Variants in GHRL observed in about 807,000 individuals in gnomAD.
GHRL encodes ghrelin and obestatin prepropeptide.
Under a neutral mutation model 16.9 loss-of-function variants are expected in GHRL, and 24 were observed. That is an observed-to-expected ratio of 1.42 (90% CI 1.03 to 2.00). The LOEUF is 2.00. Ranked by LOEUF, GHRL falls within the 30% of genes most tolerant of loss-of-function variation. The pLI, the probability that GHRL is intolerant of heterozygous loss-of-function variation, is 0.00. For synonymous variants in GHRL, 63 were observed against 58.2 expected (o/e 1.08, Z -0.37); for missense variants, 193 against 142.1 (o/e 1.36, Z -1.82).
At chr3:10,288,469 G>A (rs983222644) in intron 4 of GHRL, among the ~76,000 whole-genome samples, 5 of 152,196 alleles carry the variant, frequency 3.3e-5, no homozygotes, top group African/African-American at 1.2e-4. Context: ...ACCTTGCGTC[G>A]TCAGCCACCA....
intron 4 of GHRL, among the ~76,000 whole-genome samples, chr3:10,288,401 T>C (rs1699414147): frequency 6.6e-6 from 1 of 152,100 alleles, no homozygotes; most frequent in Non-Finnish European, 1.5e-5. Context: ...GCAGTGTGGG[T>C]CACATGCTCC....
chr3:10,289,617 G>A, intron 4 of GHRL, 145 bp downstream of exon 4: 1 of 714,984 alleles, frequency 1.4e-6, no homozygotes, highest in Non-Finnish European at 2.5e-6. Context: ...GCCCAGGGCA[G>A]AGCTCAACTC....
intron 4 of GHRL, among the ~76,000 whole-genome samples, chr3:10,289,537 G>A (rs56363922): frequency 0.013 from 1,965 of 152,248 alleles, 54 homozygotes; most frequent in African/African-American, 0.046. Flanking sequence ...GGCTCCTTCC[G>A]TCCCTATTCT....
chr3:10,288,876 C>T (rs570192817), intron 4 of GHRL, among the ~76,000 whole-genome samples: 11 of 152,198 alleles, frequency 7.2e-5, no homozygotes, highest in Non-Finnish European at 1.5e-4. Context: ...CCTTGTGTCG[C>T]GTCCCTTCCA....
rs1699979581 is a variant in GHRL, at chr3:10,291,301, C to T, written c.-615G>A. On this transcript the variant is annotated 5_prime_UTR_variant, in exon 2 of 6. Coordinates refer to ENST00000335542, the MANE Select transcript of GHRL (RefSeq NM_016362.5). ...CAGAGAGTGGGTGTGGGGATAACTTCAGCCAGTGGCTATGCTTCAGTCATT... is the reference window on the plus strand; with the variant it reads ...CAGAGAGTGGGTGTGGGGATAACTTTAGCCAGTGGCTATGCTTCAGTCATT... 5.1e-6 allele frequency: 5 copies of T among 985,524 alleles called. No individual in the cohort carries two copies. Among genetic ancestry groups the T allele is most frequent in the Non-Finnish European group, 6.0e-6 (5 of 829,974 alleles). The allele number at this position is 985,524 out of a possible 1,614,324, so 61.0% of individuals were successfully genotyped here.
chr3:10,290,324 G>T, intron 2 of GHRL, 115 bp from the exon 3 acceptor site: 2 of 991,744 alleles, frequency 2.0e-6, no homozygotes, highest in Non-Finnish European at 3.0e-6. Context: ...GGTCCTGACT[G>T]CTGTGTAGAG....
rs1699932249 is a variant in GHRL, at chr3:10,291,075, T to C, written c.-389A>G. 1.0e-6 allele frequency: 1 copy of C among 985,566 alleles called. No homozygotes were observed. Among genetic ancestry groups the C allele is most frequent in the African/African-American group, 1.7e-5 (1 of 57,236 alleles). The allele number at this position is 985,566 out of a possible 1,614,324, so 61.1% of individuals were successfully genotyped here. Reference sequence around the variant, plus strand: ...GTGACCTTAGCTTACTCGCCCTTTCTCCCTGGGTAAAATGAGGCTGTCATC... The same window carrying C: ...GTGACCTTAGCTTACTCGCCCTTTCCCCCTGGGTAAAATGAGGCTGTCATC... On this transcript the variant is annotated 5_prime_UTR_variant, in exon 2 of 6. Transcript: ENST00000335542.
Position 10,292,832 on chromosome 3 carries a change from C to T in GHRL, c.-766+10G>A, listed in dbSNP as rs17032631. The T allele has an allele frequency of 2.8e-3, 4,153 of 1,501,778 alleles. 105 individuals carry two copies. In the South Asian group the frequency reaches 0.035, roughly 12 times the overall value. The allele number at this position is 1,501,778 out of a possible 1,614,324, so 93.0% of individuals were successfully genotyped here. ...CCAGGTACCTCCTGAGACATGAAGC[C>T]TCCACTTACCTGGACCCTGGAGGCC... On this transcript the variant is annotated intron_variant, in intron 1 of 5. Transcript: ENST00000335542.
chr3:10,289,819 C>G lies in GHRL; in HGVS notation c.168G>C (p.Trp56Cys). 1 of 1,613,846 alleles carries G rather than the reference C, an allele frequency of 6.2e-7. No homozygotes were observed. The highest frequency in any genetic ancestry group is 8.5e-7 in the Non-Finnish European group (1 of 1,179,894). The part of the protein sequence containing the change: ...AKLQPRALAG[W>C]LRPEDGGQAE... ...CTTGACCTCCATCTTCCGGGCGGAG[C>G]CAGCCTGCTAGAGCTCGGGGCTGCA... is the stretch of plus-strand genomic sequence containing the variant. The change falls in exon 4 of 6, where the codon TGG becomes TGC. Residue 56 changes from tryptophan to cysteine, a missense_variant. Transcript: ENST00000335542.
At position 10,289,773 on chromosome 3, in the gene GHRL, G is replaced by C; in HGVS notation, c.214C>G (p.Leu72Val). 6.2e-7 allele frequency: 1 copy of C among 1,602,852 alleles called. No individual in the cohort carries two copies. Among genetic ancestry groups the C allele is most frequent in the Non-Finnish European group, 8.5e-7 (1 of 1,170,164 alleles). Residue 72 changes from leucine (L) to valine (V), a missense_variant, in exon 4 of 6, where the codon CTG becomes GTG. By Grantham distance (32) the Leu-to-Val change is conservative. Coordinates refer to ENST00000335542, the MANE Select transcript of GHRL (RefSeq NM_016362.5). ...GCAGAGGTACCGACCCGGACTTCCA[G>C]TTCATCCTCTGCCCCTTCTGCTTGA... ...GGQAEGAEDE[L>V]EVRFNAPFDV...
At chr3:10,286,149 C>T (rs1478859689) in intron 5 of GHRL, among the ~76,000 whole-genome samples, 6 of 152,168 alleles carry the variant, frequency 3.9e-5, no homozygotes, top group South Asian at 2.1e-4. Flanking sequence ...GACGGGTCAC[C>T]GCCTTGGTGA....
At chr3:10,285,943 G>C (rs780619940) in intron 5 of GHRL, 49 bp from the exon 6 acceptor site, 3 of 1,566,182 alleles carry the variant, frequency 1.9e-6, no homozygotes, top group African/African-American at 1.4e-5. Flanking sequence ...CGTCCTGCTA[G>C]TGCTTTTCTT....
intron 4 of GHRL, chr3:10,287,195 A>G: frequency 5.9e-6 from 1 of 169,664 alleles, no homozygotes; most frequent in African/African-American, 2.4e-5. Flanking sequence ...CAGCATTCTC[A>G]GCACTGGCCT....
chr3:10,291,401 T>G lies in GHRL; in HGVS notation c.-715A>C. On this transcript the variant is annotated 5_prime_UTR_variant, in exon 2 of 6. Transcript: ENST00000335542. ...GCTTGCCTTGCCTCCCTCCAGCAGC[T>G]TTGGTCCCTATTTTAGCGGATGCCT... The G allele has an allele frequency of 1.0e-6, 1 of 985,532 alleles. No individual in the cohort carries two copies. Among genetic ancestry groups the G allele is most frequent in the African/African-American group, 1.7e-5 (1 of 57,370 alleles). 61.0% of individuals were successfully genotyped at this position (985,532 alleles called of 1,614,324 possible). A position where few individuals can be genotyped will look rare whatever the true frequency, so the allele number is the denominator to read the frequency against.
Position 10,285,712 on chromosome 3 carries a change from T to TGTATTA in GHRL, c.*162_*163insTAATAC. The TGTATTA allele has an allele frequency of 1.7e-6, 1 of 602,748 alleles. No homozygotes were observed. The highest frequency in any genetic ancestry group is 3.0e-6 in the Non-Finnish European group (1 of 329,106). 37.3% of individuals were successfully genotyped at this position (602,748 alleles called of 1,614,324 possible). A position where few individuals can be genotyped will look rare whatever the true frequency, so the allele number is the denominator to read the frequency against. ...TTTTTTTAAAGTAAAATATTAACTT[T>TGTATTA]TCCTCTTTGAAATAAATTCCCATTT... On this transcript the variant is annotated 3_prime_UTR_variant, in exon 6 of 6. Transcript: ENST00000335542.
Position 10,290,083 on chromosome 3 carries a change from T to G in GHRL, c.98A>C (p.Gln33Pro). The G allele has an allele frequency of 1.2e-6, 2 of 1,612,220 alleles. No individual in the cohort carries two copies. The highest frequency in any genetic ancestry group is 1.7e-6 in the Non-Finnish European group (2 of 1,179,500). ...AGSSFLSPEH[Q>P]RVQQRKESKK... ...GTGGGGAGGTCTCACCTGGACTCTC[T>G]GGTGTTCAGGGCTCAGGAAGCTGGA... Residue 33 changes from glutamine to proline, a missense_variant, in exon 3 of 6, where the codon CAG (glutamine) becomes CCG (proline). Physicochemically the swap from Gln to Pro is moderately conservative, Grantham distance 76. Transcript: ENST00000335542.
chr3:10,285,793 C>A lies in GHRL; in HGVS notation c.*82G>T. On this transcript the variant is annotated 3_prime_UTR_variant, in exon 6 of 6. Transcript: ENST00000335542. Reference sequence around the variant, plus strand: ...TCGCCTCCTGAGCTTGTACAACAGTCGTGGGAGTTGCTGCAGAAGCAAGCG... The same window carrying A: ...TCGCCTCCTGAGCTTGTACAACAGTAGTGGGAGTTGCTGCAGAAGCAAGCG... 1.9e-6 allele frequency: 2 copies of A among 1,057,590 alleles called. No individual in the cohort carries two copies. The highest frequency in any genetic ancestry group is 1.3e-5 in the South Asian group (1 of 79,220). The allele number at this position is 1,057,590 out of a possible 1,614,324, so 65.5% of individuals were successfully genotyped here.
intron 5 of GHRL, 78 bp from the exon 6 acceptor site, chr3:10,285,972 A>G: frequency 1.5e-6 from 2 of 1,307,052 alleles, no homozygotes; most frequent in Non-Finnish European, 2.2e-6. Context: ...GTGAGATTGG[A>G]GGTGGGATGT....
In GHRL at chr3:10,291,100, C is replaced by T. The variant is rs539130831; in HGVS notation, c.-414G>A. 4 of 985,628 alleles carry T rather than the reference C, an allele frequency of 4.1e-6. No individual in the cohort carries two copies. Among genetic ancestry groups the T allele is most frequent in the Non-Finnish European group, 3.6e-6 (3 of 830,170 alleles). 61.1% of individuals were successfully genotyped at this position (985,628 alleles called of 1,614,324 possible). A position where few individuals can be genotyped will look rare whatever the true frequency, so the allele number is the denominator to read the frequency against. Reference sequence around the variant, plus strand: ...TCCCTGGGTAAAATGAGGCTGTCATCACTAGGAGAGCTCTGAGACCTCCCC... The same window carrying T: ...TCCCTGGGTAAAATGAGGCTGTCATTACTAGGAGAGCTCTGAGACCTCCCC... On this transcript the variant is annotated 5_prime_UTR_variant, in exon 2 of 6. Coordinates refer to ENST00000335542, the MANE Select transcript of GHRL (RefSeq NM_016362.5).
Sources: gnomAD v4.1 joint callset for allele counts (sites outside exome capture counted in the v4.1 genomes callset) on GRCh38, gnomAD v4.1.1 for gene constraint, MANE v1.5 for transcripts, NCBI Gene and HGNC (gene_info 2026-07-23, HGNC 2026-07-21) for gene names.